The following SMAP1 variants were observed in gnomAD, a reference collection of about 807,000 sequenced individuals.
SMAP1 encodes small ArfGAP 1.
A neutral mutation model predicts 58.5 loss-of-function variants in SMAP1; 24 were observed. The observed-to-expected ratio is 0.41, with a 90% CI of 0.30 to 0.58. The LOEUF is 0.58. Among genes scored for constraint, SMAP1 ranks in the 20% least tolerant of loss-of-function variants. The pLI is 0.29. For synonymous variants in SMAP1, 216 were observed against 196.6 expected, an observed-to-expected ratio of 1.10 and a Z score of -0.82; for missense variants, 563 against 566.3, an observed-to-expected ratio of 0.99 and a Z score of 0.06.
intron 4 of SMAP1, among the ~76,000 whole-genome samples, chr6:70,783,373 G>C (rs1767848226): frequency 6.6e-6 from 1 of 152,154 alleles, no homozygotes. Flanking sequence ...AGAAAAACTG[G>C]AAACTCTAAA....
chr6:70,694,182 G>A, intron 1 of SMAP1: 1 of 330,944 alleles, frequency 3.0e-6, no homozygotes, highest in Non-Finnish European at 6.0e-6. Flanking sequence ...CAGAAATCGA[G>A]GCTATAACTT....
rs1427459338 is a variant in SMAP1 at position 70,769,868 on chromosome 6, C to T, written c.339-3482C>T. 2.6e-5 allele frequency among the ~76,000 whole-genome samples: 4 copies of T among 152,162 alleles called. No homozygotes were observed. In the East Asian group the frequency reaches 7.7e-4, roughly 29 times the overall value. ...AGCCTTGAAGGTCTTTACAATTTGG[C>T]ATGTTTTTGCAGTGGCTGGTACCGG... On this transcript the variant is annotated intron_variant, in intron 3 of 10. Coordinates refer to ENST00000370455, the MANE Select transcript of SMAP1 (RefSeq NM_001044305.3).
intron 2 of SMAP1, among the ~76,000 whole-genome samples, chr6:70,744,826 C>T (rs1006078240): frequency 1.3e-5 from 2 of 152,212 alleles, no homozygotes; most frequent in African/African-American, 4.8e-5. Context: ...ACATCCTCTC[C>T]AGCACCTGTT....
intron 4 of SMAP1, among the ~76,000 whole-genome samples, chr6:70,786,078 G>A (rs1020054092): frequency 6.6e-6 from 1 of 152,140 alleles, no homozygotes; most frequent in African/African-American, 2.4e-5. Context: ...ACTGAATCCA[G>A]CAGCACATCA....
At chr6:70,860,074 C>T (rs1009198489) in intron 10 of SMAP1, 126 bp from the exon 11 acceptor site, 15 of 1,054,948 alleles carry the variant, frequency 1.4e-5, no homozygotes, top group East Asian at 1.0e-4. Flanking sequence ...GTATGGTACT[C>T]TGTTTTTATT....
At chr6:70,812,939 A>G (rs866992632) in intron 6 of SMAP1, among the ~76,000 whole-genome samples, 45 of 152,008 alleles carry the variant, frequency 3.0e-4, no homozygotes, top group African/African-American at 9.9e-4. Context: ...TCACTGTGAT[A>G]ATTATGTTCA....
intron 4 of SMAP1, among the ~76,000 whole-genome samples, chr6:70,774,900 C>T (rs1199075630): frequency 6.6e-6 from 1 of 151,790 alleles, no homozygotes; most frequent in African/African-American, 2.4e-5. Context: ...GTAATCCCAG[C>T]CACTTGGGAG....
intron 2 of SMAP1, among the ~76,000 whole-genome samples, chr6:70,748,592 A>G (rs1438167595): frequency 6.6e-6 from 1 of 152,026 alleles, no homozygotes; most frequent in African/African-American, 2.4e-5. Context: ...TCTCCTTAGT[A>G]AAGGAGGAAG....
At chr6:70,785,520 T>A (rs1258165564) in intron 4 of SMAP1, among the ~76,000 whole-genome samples, 2 of 152,140 alleles carry the variant, frequency 1.3e-5, no homozygotes, top group Non-Finnish European at 2.9e-5. Flanking sequence ...GGAGCTGGTT[T>A]TTTGAAAGGA....
intron 1 of SMAP1, among the ~76,000 whole-genome samples, chr6:70,705,298 C>G (rs1227671576): frequency 2.0e-5 from 3 of 150,112 alleles, no homozygotes; most frequent in Non-Finnish European, 4.4e-5. Flanking sequence ...GTTGCCCAGA[C>G]TGGAGTGAAG....
At chr6:70,689,959 A>G (rs1010848768) in intron 1 of SMAP1, among the ~76,000 whole-genome samples, 1 of 152,034 alleles carries the variant, frequency 6.6e-6, no homozygotes. Flanking sequence ...TTTTTCGTGG[A>G]TTCTATTAGG....
At chr6:70,725,993 G>C (rs1248898423) in intron 1 of SMAP1, among the ~76,000 whole-genome samples, 1 of 152,142 alleles carries the variant, frequency 6.6e-6, no homozygotes, top group East Asian at 1.9e-4. Flanking sequence ...ATTTCGTTTG[G>C]AATGATGGAA....
intron 6 of SMAP1, among the ~76,000 whole-genome samples, chr6:70,814,302 A>G (rs1275037703): frequency 6.6e-6 from 1 of 152,226 alleles, no homozygotes; most frequent in African/African-American, 2.4e-5. Flanking sequence ...ATATTGCATC[A>G]AAAGTATCAA....
At chr6:70,857,724 T>C (rs930293942) in intron 9 of SMAP1, 198 bp from the exon 10 acceptor site, 17 of 590,028 alleles carry the variant, frequency 2.9e-5, no homozygotes, top group African/African-American at 2.8e-4. Flanking sequence ...CTCAGGTTAA[T>C]AACTGATTTG....
intron 1 of SMAP1, among the ~76,000 whole-genome samples, chr6:70,694,788 A>G (rs1767329051): frequency 6.6e-6 from 1 of 152,158 alleles, no homozygotes; most frequent in Non-Finnish European, 1.5e-5. Flanking sequence ...TTTGGGGGTA[A>G]AGGTACCTTG....
At chr6:70,829,120 C>T (rs973128056) in intron 6 of SMAP1, among the ~76,000 whole-genome samples, 11 of 152,152 alleles carry the variant, frequency 7.2e-5, no homozygotes, top group African/African-American at 2.4e-4. Flanking sequence ...TAATCACCCA[C>T]GACTACCATT....
At chr6:70,792,205 A>G (rs532399585) in intron 5 of SMAP1, among the ~76,000 whole-genome samples, 1 of 152,310 alleles carries the variant, frequency 6.6e-6, no homozygotes, top group Non-Finnish European at 1.5e-5. Flanking sequence ...AGAATCATCA[A>G]TGACAACTGT....
chr6:70,826,011 C>A (rs780019120), intron 6 of SMAP1, among the ~76,000 whole-genome samples: 17 of 152,164 alleles, frequency 1.1e-4, no homozygotes, highest in Non-Finnish European at 2.1e-4. Context: ...ATTTTTGTAT[C>A]CCTAGTGCTT....
At chr6:70,818,023 A>G (rs554879447) in intron 6 of SMAP1, among the ~76,000 whole-genome samples, 7 of 152,260 alleles carry the variant, frequency 4.6e-5, no homozygotes, top group African/African-American at 1.4e-4. Context: ...AGCATCAGGC[A>G]TTTCTTTCCA....
Sources: gnomAD v4.1 joint callset for allele counts (sites outside exome capture counted in the v4.1 genomes callset) on GRCh38, gnomAD v4.1.1 for gene constraint, MANE v1.5 for transcripts, NCBI Gene and HGNC (gene_info 2026-07-23, HGNC 2026-07-21) for gene names.